Variants in ARL15 observed in about 807,000 individuals in gnomAD.
ARL15 encodes the protein ADP-ribosylation factor-like protein 15.
ARL15 carries 19 observed loss-of-function variants against 25.2 expected under a neutral mutation model. The ratio of observed to expected loss-of-function variants is 0.75; its 90% confidence interval spans 0.53 to 1.10. The LOEUF is 1.10. Among genes scored for constraint, ARL15 ranks in the 50% least tolerant of loss-of-function variants. ARL15 has a pLI of 0.00. For synonymous variants in ARL15, 94 were observed against 86.8 expected (o/e 1.08, Z -0.46); for missense variants, 220 against 246.0 (o/e 0.89, Z 0.71).
chr5:54,248,785 G>A (rs1315275425), intron 1 of ARL15, among the ~76,000 whole-genome samples: 5 of 152,198 alleles, frequency 3.3e-5, no homozygotes, highest in Non-Finnish European at 7.3e-5. Context: ...TGCTAGCTGT[G>A]TATATGTTGA....
chr5:53,923,988 A>G (rs370127047), intron 4 of ARL15, among the ~76,000 whole-genome samples: 3 of 152,260 alleles, frequency 2.0e-5, no homozygotes, highest in Non-Finnish European at 4.4e-5. Context: ...AAAACCGCTG[A>G]AGGAAAATTT....
chr5:54,150,641 T>C (rs1397158932), intron 3 of ARL15, among the ~76,000 whole-genome samples: 2 of 151,672 alleles, frequency 1.3e-5, no homozygotes, highest in Non-Finnish European at 1.5e-5. Flanking sequence ...CTACTAAACA[T>C]ACAAAAATTA....
chr5:54,172,434 A>G (rs1381863860), intron 1 of ARL15, among the ~76,000 whole-genome samples: 1 of 152,166 alleles, frequency 6.6e-6, no homozygotes, highest in East Asian at 1.9e-4. Flanking sequence ...AAAAAAAGCC[A>G]TAAATGACAT....
At chr5:54,240,316 T>A (rs749490371) in intron 1 of ARL15, among the ~76,000 whole-genome samples, 11 of 151,234 alleles carry the variant, frequency 7.3e-5, no homozygotes, top group Non-Finnish European at 1.2e-4. Context: ...AAAGGTGTCA[T>A]TAAATCATCA....
intron 1 of ARL15, among the ~76,000 whole-genome samples, chr5:54,174,674 C>T (rs996671190): frequency 9.2e-5 from 14 of 152,190 alleles, no homozygotes; most frequent in Non-Finnish European, 1.5e-4. Context: ...TTCTAAACGC[C>T]AACACATCAC....
chr5:53,951,378 A>G, intron 4 of ARL15: 1 of 392,074 alleles, frequency 2.6e-6, no homozygotes, highest in South Asian at 1.9e-5. Context: ...GTAGAATACA[A>G]AAATCATATA....
chr5:54,279,658 G>A (rs1356450483), intron 1 of ARL15, among the ~76,000 whole-genome samples: 1 of 151,994 alleles, frequency 6.6e-6, no homozygotes, highest in Non-Finnish European at 1.5e-5. Flanking sequence ...CTCCTTTTAG[G>A]GCCGATTTTT....
chr5:54,231,812 T>TAG (rs990953954), intron 1 of ARL15, among the ~76,000 whole-genome samples: 1 of 152,082 alleles, frequency 6.6e-6, no homozygotes, highest in African/African-American at 2.4e-5. Context: ...ATAAGGACAC[T>TAG]AGTAGTATCA....
chr5:54,253,869 C>CATT (rs1442301065), intron 1 of ARL15, among the ~76,000 whole-genome samples: 1 of 152,206 alleles, frequency 6.6e-6, no homozygotes, highest in Non-Finnish European at 1.5e-5. Flanking sequence ...GGATAACAGG[C>CATT]ATTAGCCACC....
intron 4 of ARL15, among the ~76,000 whole-genome samples, chr5:53,976,402 A>G (rs914328674): frequency 1.3e-5 from 2 of 152,234 alleles, no homozygotes; most frequent in Admixed American, 1.3e-4. Context: ...GTGGCTGGAA[A>G]TAAGTGATGA....
At chr5:54,010,540 C>T (rs1397269764) in intron 4 of ARL15, among the ~76,000 whole-genome samples, 1 of 152,068 alleles carries the variant, frequency 6.6e-6, no homozygotes, top group South Asian at 2.1e-4. Flanking sequence ...AAATATTCAC[C>T]AGACTTGGCT....
intron 1 of ARL15, among the ~76,000 whole-genome samples, chr5:54,173,471 C>T (rs1473498541): frequency 6.6e-6 from 1 of 152,132 alleles, no homozygotes; most frequent in African/African-American, 2.4e-5. Flanking sequence ...ATTCATCTCA[C>T]TCAGATAAAA....
intron 3 of ARL15, among the ~76,000 whole-genome samples, chr5:54,123,693 C>T (rs1020730571): frequency 1.3e-5 from 2 of 152,122 alleles, no homozygotes; most frequent in Non-Finnish European, 1.5e-5. Flanking sequence ...CTAGCCCACT[C>T]CATCACATAT....
intron 4 of ARL15, among the ~76,000 whole-genome samples, chr5:54,094,103 T>C (rs1246367396): frequency 6.6e-6 from 1 of 152,206 alleles, no homozygotes; most frequent in Non-Finnish European, 1.5e-5. Context: ...TAGGCCATCC[T>C]GGGCTAGTAG....
intron 1 of ARL15, among the ~76,000 whole-genome samples, chr5:54,308,319 C>A (rs1758813108): frequency 6.6e-6 from 1 of 152,178 alleles, no homozygotes; most frequent in South Asian, 2.1e-4. Context: ...CTTTTCTCAC[C>A]TCCAAAGAGT....
rs189651953 is a variant in ARL15 at position 53,969,630 on chromosome 5, G to A, written c.463-82917C>T. ...TGTTCCTATTTTCAGTCATCTTTTC[G>A]ATGCTTAATATTTTTAAAAAATCTA... On this transcript the variant is annotated intron_variant, in intron 4 of 4. Transcript: ENST00000504924. Among the ~76,000 whole-genome samples the A allele has an allele frequency of 4.8e-3, 736 of 152,094 alleles. 3 individuals carry two copies. The highest frequency in any genetic ancestry group is 8.6e-3 in the Admixed American group (132 of 15,280).
In ARL15 at chr5:53,892,577, G is replaced by A. The variant is rs182372414; in HGVS notation, c.463-5864C>T. Reference sequence around the variant, plus strand: ...TTTGGGATGGATTCATATTGGTTCTGTTATTTATTTATTATTACTGTTACT... The same window carrying A: ...TTTGGGATGGATTCATATTGGTTCTATTATTTATTTATTATTACTGTTACT... On this transcript the variant is annotated intron_variant, in intron 4 of 4. Transcript: ENST00000504924. Among the ~76,000 whole-genome samples the A allele has an allele frequency of 3.6e-3, 536 of 149,454 alleles. 5 individuals carry two copies. The highest frequency in any genetic ancestry group is 0.012 in the African/African-American group (509 of 40,948).
At chr5:54,272,381 G>A (rs912596383) in intron 1 of ARL15, among the ~76,000 whole-genome samples, 1 of 151,946 alleles carries the variant, frequency 6.6e-6, no homozygotes, top group Non-Finnish European at 1.5e-5. Context: ...CAAGAAAAAA[G>A]TACTAGTTCT....
chr5:54,080,276 TGAAAG>T (rs1301877224), intron 4 of ARL15, among the ~76,000 whole-genome samples: 1 of 152,196 alleles, frequency 6.6e-6, no homozygotes, highest in African/African-American at 2.4e-5. Context: ...GGTGAAGAGT[TGAAAG>T]GATTAGAGAC....
Sources: allele counts gnomAD v4.1 joint callset (sites outside exome capture counted in the v4.1 genomes callset), GRCh38; gene constraint gnomAD v4.1.1; transcripts MANE v1.5; gene names NCBI Gene and HGNC (gene_info 2026-07-23, HGNC 2026-07-21).